The following SORCS2 variants were observed in gnomAD, a reference collection of about 807,000 sequenced individuals.
SORCS2 encodes VPS10 domain-containing receptor SorCS2.
A neutral mutation model predicts 141.6 loss-of-function variants in SORCS2; 100 were observed. That is an observed-to-expected ratio of 0.71 (90% CI 0.60 to 0.83). The LOEUF (loss-of-function observed/expected upper bound fraction) is 0.83, where lower values mean the gene tolerates loss of function less well. SORCS2 is among the 40% of genes least tolerant of loss of function. The probability of loss-of-function intolerance (pLI) is 0.00; values close to 1 mark genes in which losing one functional copy is unlikely to be tolerated. For synonymous variants in SORCS2, 789 were observed against 676.9 expected (o/e 1.17, Z -2.57); for missense variants, 1,646 against 1,560.2 (o/e 1.05, Z -0.93).
chr4:7,705,343 G>A (rs992934939), intron 14 of SORCS2, among the ~76,000 whole-genome samples: 4 of 152,218 alleles, frequency 2.6e-5, no homozygotes, highest in Non-Finnish European at 5.9e-5. Context: ...AGAGCGCTGA[G>A]AGAGCATGTG....
intron 2 of SORCS2, among the ~76,000 whole-genome samples, chr4:7,419,449 T>G (rs1725899797): frequency 6.6e-6 from 1 of 152,202 alleles, no homozygotes; most frequent in African/African-American, 2.4e-5. Flanking sequence ...AAGGGTGGCC[T>G]CTGAGGTTAT....
At chr4:7,390,731 C>T (rs1282008111) in intron 1 of SORCS2, among the ~76,000 whole-genome samples, 1 of 152,172 alleles carries the variant, frequency 6.6e-6, no homozygotes. Flanking sequence ...AACAGCTGAC[C>T]TCGTTCCTGG....
intron 12 of SORCS2, among the ~76,000 whole-genome samples, chr4:7,700,381 A>G (rs1724984268): frequency 6.6e-6 from 1 of 152,112 alleles, no homozygotes. Context: ...TGCAGGGATG[A>G]TCTGCCTCCT....
chr4:7,193,264 C>T lies in SORCS2; in HGVS notation c.480+138C>T. 8.6e-7 allele frequency: 1 copy of T among 1,166,428 alleles called. No homozygotes were observed. The highest frequency in any genetic ancestry group is 1.1e-6 in the Non-Finnish European group (1 of 908,962). The allele number at this position is 1,166,428 out of a possible 1,614,324, so 72.3% of individuals were successfully genotyped here. A position where few individuals can be genotyped will look rare whatever the true frequency, so the allele number is the denominator to read the frequency against. ...TTCTTGGCGACTTGGGCACTTGGGT[C>T]ACCTCGGCCGCGCCCCTACTGGCCT... On this transcript the variant is annotated intron_variant, in intron 1 of 26. Transcript: ENST00000507866. This position sits in a 1 kb window ranked among gnomAD's most constrained non-coding sequence, Gnocchi z 4.8.
intron 2 of SORCS2, among the ~76,000 whole-genome samples, chr4:7,446,155 G>T (rs1361433611): frequency 2.0e-5 from 3 of 152,040 alleles, no homozygotes; most frequent in Admixed American, 6.5e-5. Context: ...TTGGAGGGAT[G>T]GGGATAAAGG....
At chr4:7,417,518 T>G (rs746970664) in intron 2 of SORCS2, among the ~76,000 whole-genome samples, 1 of 152,226 alleles carries the variant, frequency 6.6e-6, no homozygotes, top group African/African-American at 2.4e-5. Flanking sequence ...AAGTCTCAGC[T>G]CTGCCATTTA....
chr4:7,525,566 C>T (rs1733617466), intron 2 of SORCS2, among the ~76,000 whole-genome samples: 1 of 152,014 alleles, frequency 6.6e-6, no homozygotes, highest in East Asian at 1.9e-4. Context: ...CACCTGGTGT[C>T]CCCTCCTTCA....
chr4:7,722,665 C>T (rs1015438429), intron 18 of SORCS2, among the ~76,000 whole-genome samples: 19 of 152,170 alleles, frequency 1.2e-4, no homozygotes, highest in African/African-American at 4.3e-4. Context: ...TCCAGTATGA[C>T]CTCATCTTAG....
chr4:7,456,226 C>A (rs958722239), intron 2 of SORCS2, among the ~76,000 whole-genome samples: 1 of 152,188 alleles, frequency 6.6e-6, no homozygotes, highest in Non-Finnish European at 1.5e-5. Flanking sequence ...ACAGTCACAT[C>A]AGGTATTGGG....
At chr4:7,462,522 T>G (rs1729373382) in intron 2 of SORCS2, among the ~76,000 whole-genome samples, 1 of 152,222 alleles carries the variant, frequency 6.6e-6, no homozygotes, top group Middle Eastern at 3.4e-3. Flanking sequence ...TCCAGAGACG[T>G]TGGCTCTAAA....
intron 2 of SORCS2, among the ~76,000 whole-genome samples, chr4:7,490,010 T>G (rs1472085752): frequency 6.6e-6 from 1 of 152,060 alleles, no homozygotes; most frequent in Non-Finnish European, 1.5e-5. Flanking sequence ...GTATTTCAGG[T>G]CTAGAAAGAT....
intron 1 of SORCS2, among the ~76,000 whole-genome samples, chr4:7,314,635 G>T (rs1470280389): frequency 6.6e-6 from 1 of 151,956 alleles, no homozygotes; most frequent in African/African-American, 2.4e-5. Flanking sequence ...CACCGCACCC[G>T]GCCAATCATG....
intron 3 of SORCS2, among the ~76,000 whole-genome samples, chr4:7,622,781 G>A (rs2108832192): frequency 6.6e-6 from 1 of 152,116 alleles, no homozygotes; most frequent in Non-Finnish European, 1.5e-5. Context: ...GAGAACCCCT[G>A]GGAAATCTCC....
chr4:7,446,713 G>GCTTTT (rs1560291001), intron 2 of SORCS2, among the ~76,000 whole-genome samples: 8 of 152,168 alleles, frequency 5.3e-5, no homozygotes, highest in Non-Finnish European at 1.0e-4. Flanking sequence ...CATACAAGGG[G>GCTTTT]GTGCACCCTA....
chr4:7,433,312 G>T, intron 2 of SORCS2: 2 of 1,382,562 alleles, frequency 1.4e-6, no homozygotes, highest in South Asian at 2.0e-5. Flanking sequence ...TGGCAGCCAC[G>T]GTCACGCGTG....
intron 2 of SORCS2, chr4:7,433,359 C>G (rs749471633): frequency 2.8e-6 from 4 of 1,446,156 alleles, no homozygotes; most frequent in Non-Finnish European, 2.7e-6. Flanking sequence ...TCCATACATG[C>G]TTCTGGCAGT....
At chr4:7,700,005 C>T (rs1011790439) in intron 12 of SORCS2, among the ~76,000 whole-genome samples, 11 of 152,198 alleles carry the variant, frequency 7.2e-5, no homozygotes, top group African/African-American at 2.2e-4. Flanking sequence ...GGTGTCACAC[C>T]GGCCTCCAAG....
At chr4:7,511,069 G>T (rs1276807531) in intron 2 of SORCS2, among the ~76,000 whole-genome samples, 1 of 152,152 alleles carries the variant, frequency 6.6e-6, no homozygotes, top group African/African-American at 2.4e-5. Flanking sequence ...CACTATCTCA[G>T]GGCGGAAGAG....
intron 3 of SORCS2, among the ~76,000 whole-genome samples, chr4:7,557,073 A>G (rs977780467): frequency 3.9e-5 from 6 of 152,156 alleles, no homozygotes; most frequent in African/African-American, 1.4e-4. Flanking sequence ...ATACCATGAT[A>G]TGCTCTCCTC....
Sources: gnomAD v4.1 joint callset for allele counts (sites outside exome capture counted in the v4.1 genomes callset) on GRCh38, gnomAD v4.1.1 for gene constraint, Gnocchi (gnomAD v3.1) non-coding constraint, MANE v1.5 for transcripts, NCBI Gene and HGNC (gene_info 2026-07-23, HGNC 2026-07-21) for gene names.